Variants in AP4E1 observed in about 807,000 individuals in gnomAD.
AP4E1 encodes the protein adaptor related protein complex 4 subunit epsilon 1.
AP4E1 carries 56 observed loss-of-function variants against 128.2 expected under a neutral mutation model. The ratio of observed to expected loss-of-function variants is 0.44; its 90% CI spans 0.35 to 0.55. The LOEUF is 0.55. Ranked by LOEUF, AP4E1 falls within the 20% of genes least tolerant of loss-of-function variation. The pLI, the probability that AP4E1 is intolerant of heterozygous loss-of-function variation, is 0.00. For missense variants in AP4E1, 1,324 were observed against 1,307.7 expected (o/e 1.01, Z -0.19); for synonymous variants, 484 against 473.1 (o/e 1.02, Z -0.30).
At chr15:50,917,442 T>C (rs76788510) in intron 3 of AP4E1, among the ~76,000 whole-genome samples, 6,676 of 152,286 alleles carry the variant, frequency 0.044, 471 homozygotes, top group African/African-American at 0.15. Context: ...TTTGGGCCAT[T>C]TTCTCTTATT....
intron 20 of AP4E1, among the ~76,000 whole-genome samples, chr15:51,002,212 A>G (rs946949120): frequency 4.6e-5 from 7 of 152,118 alleles, no homozygotes; most frequent in African/African-American, 1.7e-4. Flanking sequence ...CCACCATATC[A>G]TTTTCACAGC....
chr15:50,939,031 A>G (rs937991390), intron 8 of AP4E1, among the ~76,000 whole-genome samples: 7 of 152,242 alleles, frequency 4.6e-5, no homozygotes, highest in Non-Finnish European at 8.8e-5. Context: ...CAAAATATCT[A>G]TGATGAAACT....
intron 1 of AP4E1, among the ~76,000 whole-genome samples, chr15:50,910,779 C>T (rs773799705): frequency 6.6e-6 from 1 of 152,222 alleles, no homozygotes; most frequent in African/African-American, 2.4e-5. Flanking sequence ...CCTCAGCCTC[C>T]CTGGTAGCTG....
At chr15:50,976,459 T>G (rs950782874) in intron 15 of AP4E1, among the ~76,000 whole-genome samples, 2 of 152,206 alleles carry the variant, frequency 1.3e-5, no homozygotes, top group East Asian at 3.8e-4. Flanking sequence ...AAGCTTTTCC[T>G]CTGAGATCAG....
At chr15:50,918,839 A>G (rs1353920270) in intron 3 of AP4E1, among the ~76,000 whole-genome samples, 1 of 152,134 alleles carries the variant, frequency 6.6e-6, no homozygotes, top group Non-Finnish European at 1.5e-5. Flanking sequence ...CATAATTTTT[A>G]TTGGGTGGAT....
chr15:50,972,006 C>G (rs760141255), intron 15 of AP4E1, among the ~76,000 whole-genome samples: 1 of 151,986 alleles, frequency 6.6e-6, no homozygotes, highest in Non-Finnish European at 1.5e-5. Context: ...TTGGTAGTGA[C>G]ATGTTTCTTT....
At position 50,997,351 on chromosome 15, in the gene AP4E1, A is replaced by C. The variant is rs1386939717; in HGVS notation, c.2372A>C (p.His791Pro). 1 of 1,602,010 alleles carries C rather than the reference A, an allele frequency of 6.2e-7. No individual in the cohort carries two copies. Among genetic ancestry groups the C allele is most frequent in the Admixed American group, 1.8e-5 (1 of 56,810 alleles). The change falls in exon 18 of 21, where the codon CAC becomes CCC. Residue 791 changes from histidine (H) to proline (P), a missense_variant. By Grantham distance (77) the His-to-Pro change is moderately conservative. Coordinates refer to ENST00000261842, the MANE Select transcript of AP4E1 (RefSeq NM_007347.5). ...CTGGGAAAAGCAGATACTGTCTCTC[A>C]CAAGTTCAGAAGGAAATCAAAAGTC... Reference protein sequence around the residue: ...NLLGKADTVSHKFRRKSKVKE... With the variant: ...NLLGKADTVSPKFRRKSKVKE...
chr15:50,962,662 T>G lies in AP4E1; in HGVS notation c.1851+3868T>G, dbSNP rs2064331330. Among the ~76,000 whole-genome samples the G allele has an allele frequency of 3.3e-5, 5 of 151,372 alleles. 1 individual carries two copies. In the South Asian group the frequency reaches 1.0e-3, roughly 31 times the overall value. On this transcript the variant is annotated intron_variant, in intron 14 of 20. Transcript: ENST00000261842. The stretch of plus-strand genomic sequence containing the variant: ...AACTATAAAACTACTAGAAGAAAAC[T>G]TAGAGGAAATGCTTTAGGACATTGG...
At chr15:50,995,089 T>G (rs1442615140) in intron 17 of AP4E1, among the ~76,000 whole-genome samples, 1 of 152,176 alleles carries the variant, frequency 6.6e-6, no homozygotes, top group East Asian at 1.9e-4. Context: ...AATTAGCATG[T>G]ATCCTCTCAC....
upstream of AP4E1, among the ~76,000 whole-genome samples, chr15:50,907,742 A>T (rs2063504956): frequency 6.6e-6 from 1 of 152,190 alleles, no homozygotes; most frequent in Admixed American, 6.5e-5. Flanking sequence ...AACGGCAAAT[A>T]ACACGTAAGA....
rs1233731691 is a variant in AP4E1 at position 50,995,568 on chromosome 15, T to C, written c.2347-1758T>C. Among the ~76,000 whole-genome samples, 3 of 151,902 alleles carry C rather than the reference T, an allele frequency of 2.0e-5. No individual in the cohort carries two copies. The East Asian group carries it at 5.8e-4, about 29-fold the overall frequency. On this transcript the variant is annotated intron_variant, in intron 17 of 20. Coordinates refer to ENST00000261842, the MANE Select transcript of AP4E1 (RefSeq NM_007347.5). ...GCCGAGCTCATTTTTATATTTTTAG[T>C]AGAGATGGGGTTTCACCATGTTGGC...
At chr15:50,907,957 G>C (rs1219604821), upstream of AP4E1, among the ~76,000 whole-genome samples, 1 of 152,208 alleles carries the variant, frequency 6.6e-6, no homozygotes, top group Non-Finnish European at 1.5e-5. Flanking sequence ...GAACAGAACC[G>C]AGCGCTGTGA....
chr15:50,966,605 C>T (rs1490295431), intron 14 of AP4E1, among the ~76,000 whole-genome samples: 3 of 144,810 alleles, frequency 2.1e-5, no homozygotes, highest in Admixed American at 1.4e-4. Context: ...GGTACGATCT[C>T]GGCTCACTGC....
intron 13 of AP4E1, among the ~76,000 whole-genome samples, chr15:50,954,376 A>T (rs979964937): frequency 3.3e-5 from 5 of 152,212 alleles, no homozygotes; most frequent in African/African-American, 1.2e-4. Flanking sequence ...CTGGACTTGT[A>T]GATTTTTGGG....
intron 11 of AP4E1, among the ~76,000 whole-genome samples, chr15:50,948,475 G>A (rs989040393): frequency 6.6e-6 from 1 of 150,778 alleles, no homozygotes; most frequent in African/African-American, 2.4e-5. Flanking sequence ...TTTCTTTTCT[G>A]AGTAAAAGTT....
intron 7 of AP4E1, among the ~76,000 whole-genome samples, chr15:50,932,826 G>GT (rs2063852079): frequency 6.6e-6 from 1 of 152,184 alleles, no homozygotes; most frequent in South Asian, 2.1e-4. Context: ...CAGTGAAAAC[G>GT]TAAGGTGATG....
chr15:50,913,116 T>C (rs1023424828), intron 2 of AP4E1, among the ~76,000 whole-genome samples: 18 of 152,350 alleles, frequency 1.2e-4, no homozygotes, highest in Middle Eastern at 3.4e-3. Context: ...AAGCACATGA[T>C]TGTGAATTTG....
At chr15:50,927,728 G>GT (rs1389234676) in intron 5 of AP4E1, among the ~76,000 whole-genome samples, 6 of 151,732 alleles carry the variant, frequency 4.0e-5, no homozygotes, top group Admixed American at 3.9e-4. Flanking sequence ...GAAGATAAGA[G>GT]TTGTTTATTA....
At chr15:50,939,177 A>G (rs1272338674) in intron 8 of AP4E1, among the ~76,000 whole-genome samples, 1 of 152,170 alleles carries the variant, frequency 6.6e-6, no homozygotes, top group African/African-American at 2.4e-5. Context: ...TTAAGTTTAG[A>G]AACCCTCAGT....
Sources: gnomAD v4.1 joint callset for allele counts (sites outside exome capture counted in the v4.1 genomes callset) on GRCh38, gnomAD v4.1.1 for gene constraint, MANE v1.5 for transcripts, NCBI Gene and HGNC (gene_info 2026-07-23, HGNC 2026-07-21) for gene names.